Variants in FCSK observed in about 807,000 individuals in gnomAD.
The protein encoded by FCSK is L-fucose kinase.
A neutral mutation model predicts 122.5 loss-of-function variants in FCSK; 123 were observed. The observed-to-expected ratio is 1.00, with a 90% CI of 0.87 to 1.17. FCSK has a LOEUF of 1.17. Ranked by LOEUF, FCSK falls within the 50% of genes most tolerant of loss-of-function variation. The pLI is 0.00. For missense variants in FCSK, 1,366 were observed against 1,450.4 expected, an observed-to-expected ratio of 0.94 and a Z score of 0.95; for synonymous variants, 620 against 625.5, an observed-to-expected ratio of 0.99 and a Z score of 0.13.
intron 3 of FCSK, among the ~76,000 whole-genome samples, chr16:70,464,277 C>T (rs554146523): frequency 1.3e-5 from 2 of 152,284 alleles, no homozygotes; most frequent in Non-Finnish European, 2.9e-5. Flanking sequence ...GGGAGGGGAC[C>T]ACTGTAGCTG....
chr16:70,473,139 C>G lies in FCSK; in HGVS notation c.1563C>G (p.Ala521=). 6.4e-7 allele frequency: 1 copy of G among 1,560,724 alleles called. No individual in the cohort carries two copies. The highest frequency in any genetic ancestry group is 8.7e-7 in the Non-Finnish European group (1 of 1,154,910). The change falls in exon 15 of 24, where the codon GCC becomes GCG. Residue 521 remains alanine (A), a synonymous_variant. Coordinates refer to ENST00000288078, the MANE Select transcript of FCSK (RefSeq NM_145059.3). The surrounding 1 kb of genome is among the most constrained non-coding windows in gnomAD (Gnocchi z 4.9). Reference sequence around the variant, plus strand: ...AGGATGGGGGCGAGGCCCTGCGAGCCTGGCGGGCCTCCTGGCGCCTGTCCT... The same window carrying G: ...AGGATGGGGGCGAGGCCCTGCGAGCGTGGCGGGCCTCCTGGCGCCTGTCCT... ...HQEDGGEALR[A]WRASWRLSWE...
At chr16:70,467,234 T>C (rs1397974107) in intron 6 of FCSK, 140 bp from the exon 7 acceptor site, 1 of 644,966 alleles carries the variant, frequency 1.6e-6, no homozygotes, top group Admixed American at 2.8e-5. Context: ...CCCAGGCGAA[T>C]GTCCATTTGG....
chr16:70,458,362 G>A (rs551996976), intron 1 of FCSK, among the ~76,000 whole-genome samples: 49 of 151,118 alleles, frequency 3.2e-4, no homozygotes, highest in East Asian at 9.8e-4. Flanking sequence ...GTTTCACCAT[G>A]CTGGCCAGGC....
intron 5 of FCSK, chr16:70,466,564 G>A (rs1221719257): frequency 4.0e-6 from 2 of 496,146 alleles, no homozygotes; most frequent in East Asian, 3.5e-5. Context: ...GGGCATGATG[G>A]CATGCACTTG....
rs7192865 is a variant in FCSK at position 70,473,004 on chromosome 16, T to A, written c.1428T>A (p.Pro476=). ...TCAGAGCCTGGGACCTGTGGGACCC[T>A]GAGACGCTGCCCGCAGAGTACTGCC... ...TGVRAWDLWD[P]ETLPAEYCLP... Residue 476 remains proline, a synonymous_variant, in exon 15 of 24, where the codon CCT becomes CCA. Coordinates refer to ENST00000288078, the MANE Select transcript of FCSK (RefSeq NM_145059.3). The surrounding 1 kb of genome is among the most constrained non-coding windows in gnomAD (Gnocchi z 4.9). The A allele has an allele frequency of 6.3e-7, 1 of 1,598,652 alleles. No individual in the cohort carries two copies. The highest frequency in any genetic ancestry group is 2.3e-5 in the East Asian group (1 of 43,892).
chr16:70,459,277 G>C (rs970930103), intron 1 of FCSK, among the ~76,000 whole-genome samples: 6 of 151,744 alleles, frequency 4.0e-5, no homozygotes, highest in Admixed American at 1.3e-4. Flanking sequence ...GGGCATGGTG[G>C]CTCATTCCCA....
At chr16:70,461,877 C>T (rs2048276777) in intron 1 of FCSK, among the ~76,000 whole-genome samples, 1 of 152,216 alleles carries the variant, frequency 6.6e-6, no homozygotes. Flanking sequence ...CCTTGGTGTC[C>T]ACCTGGGGAG....
intron 3 of FCSK, among the ~76,000 whole-genome samples, chr16:70,464,238 T>C (rs1441025429): frequency 6.6e-6 from 1 of 152,164 alleles, no homozygotes; most frequent in South Asian, 2.1e-4. Context: ...GACTTGGACA[T>C]GCTCTGCAGA....
chr16:70,461,558 C>G (rs772585303), intron 1 of FCSK, among the ~76,000 whole-genome samples: 13 of 152,094 alleles, frequency 8.5e-5, no homozygotes, highest in Non-Finnish European at 1.8e-4. Flanking sequence ...AGGGCTGCAG[C>G]CCCCGCTGGG....
chr16:70,465,383 C>T (rs1335061222), intron 4 of FCSK, among the ~76,000 whole-genome samples: 3 of 152,300 alleles, frequency 2.0e-5, no homozygotes, highest in East Asian at 1.9e-4. Flanking sequence ...TAGGGCCGGG[C>T]GCAGTGGCTC....
chr16:70,469,000 G>C, intron 9 of FCSK, 32 bp downstream of exon 9: 1 of 1,610,824 alleles, frequency 6.2e-7, no homozygotes, highest in Non-Finnish European at 8.5e-7. Flanking sequence ...GGTGGGGCCT[G>C]GCTTGGGGGC....
At chr16:70,477,835 A>G (rs922425927) in intron 20 of FCSK, 3 of 172,702 alleles carry the variant, frequency 1.7e-5, no homozygotes, top group Non-Finnish European at 2.5e-5. Flanking sequence ...GGCATGCACC[A>G]CCATGCCTGG....
At position 70,469,303 on chromosome 16, in the gene FCSK, G is replaced by A. The variant is rs1485913913; in HGVS notation, c.935G>A (p.Arg312His). ...SARAQLWREL[R>H]DQPLTMAYVS... ...CGGGCCCAGCTGTGGAGGGAGCTTCGCGATCAGCCCCTTACCATGGGTGGG... is the reference window on the plus strand; with the variant it reads ...CGGGCCCAGCTGTGGAGGGAGCTTCACGATCAGCCCCTTACCATGGGTGGG... Residue 312 changes from arginine (R) to histidine (H), a missense_variant, in exon 10 of 24, where the codon CGC becomes CAC. By Grantham distance (29) the Arg-to-His change is conservative. Coordinates refer to ENST00000288078, the MANE Select transcript of FCSK (RefSeq NM_145059.3). The A allele has an allele frequency of 3.7e-5, 60 of 1,605,140 alleles. No homozygotes were observed. Among genetic ancestry groups the A allele is most frequent in the African/African-American group, 9.4e-5 (7 of 74,844 alleles).
intron 5 of FCSK, 114 bp from the exon 6 acceptor site, chr16:70,466,768 G>T: frequency 1.2e-6 from 1 of 861,676 alleles, no homozygotes; most frequent in South Asian, 1.6e-5. Context: ...GGTGGGGGCA[G>T]ACCAGGTCTT....
intron 1 of FCSK, 86 bp downstream of exon 1, chr16:70,454,716 T>TGACTGGGAGCACC (rs565858524): frequency 2.2e-4 from 34 of 151,734 alleles, no homozygotes; most frequent in African/African-American, 8.0e-4. Flanking sequence ...GCACCCTCCC[T>TGACTGGGAGCACC]GACTGGGAGC....
Position 70,479,417 on chromosome 16 carries a change from T to C in FCSK, c.3153+14T>C, listed in dbSNP as rs745603210. 6.2e-6 allele frequency: 10 copies of C among 1,606,978 alleles called. No individual in the cohort carries two copies. In the Admixed American group the frequency reaches 8.4e-5, roughly 14 times the overall value. On this transcript the variant is annotated intron_variant, in intron 23 of 23. Transcript: ENST00000288078. ...GCCAAGACCGAGGTACTGATGGGGC[T>C]GGGGTTGGTAAAGAGACCTCTGGGG...
intron 22 of FCSK, 126 bp from the exon 23 acceptor site, chr16:70,479,054 G>A (rs772221603): frequency 6.9e-5 from 52 of 758,118 alleles, no homozygotes; most frequent in South Asian, 1.6e-4. Context: ...GGCTCCAGCC[G>A]GCACTGGAAT....
intron 1 of FCSK, among the ~76,000 whole-genome samples, chr16:70,459,948 C>T (rs1016369917): frequency 2.0e-5 from 3 of 151,708 alleles, no homozygotes; most frequent in African/African-American, 7.3e-5. Context: ...ATTACAGGTG[C>T]CCACCACCAC....
intron 1 of FCSK, among the ~76,000 whole-genome samples, chr16:70,455,384 C>T (rs770927265): frequency 6.6e-6 from 1 of 152,186 alleles, no homozygotes; most frequent in African/African-American, 2.4e-5. Flanking sequence ...ACTTGGGAGG[C>T]TGAGGCGAGG....
Sources: gnomAD v4.1 joint callset for allele counts (sites outside exome capture counted in the v4.1 genomes callset) on GRCh38, gnomAD v4.1.1 for gene constraint, Gnocchi (gnomAD v3.1) non-coding constraint, MANE v1.5 for transcripts, NCBI Gene and HGNC (gene_info 2026-07-23, HGNC 2026-07-21) for gene names.